Variants in NHEJ1 observed in about 807,000 individuals in gnomAD.
NHEJ1 encodes non-homologous end joining factor 1, also known as non-homologous end-joining factor 1.
A neutral mutation model predicts 39.4 loss-of-function variants in NHEJ1; 22 were observed. That is an observed-to-expected ratio of 0.56 (90% CI 0.40 to 0.80). NHEJ1 has a LOEUF of 0.80. NHEJ1 is among the 30% of genes least tolerant of loss of function. NHEJ1 has a pLI of 0.00. For missense variants in NHEJ1, 329 were observed against 357.1 expected, an observed-to-expected ratio of 0.92 and a Z score of 0.63; for synonymous variants, 154 against 135.6, an observed-to-expected ratio of 1.14 and a Z score of -0.94.
rs373610993 is a variant in NHEJ1, at chr2:219,159,564, C to CATATATATATATGCATATATATGCAT, written c.-1+1155_-1+1156insATGCATATATATGCATATATATATAT. Among the ~76,000 whole-genome samples, 6 of 61,760 alleles carry CATATATATATATGCATATATATGCAT rather than the reference C, an allele frequency of 9.7e-5. 1 individual carries two copies. The East Asian group carries it at 1.9e-3, about 19-fold the overall frequency. The allele number at this position is 61,760 out of a possible 152,430, so 40.5% of individuals were successfully genotyped here. On this transcript the variant is annotated intron_variant, in intron 1 of 7. Coordinates refer to ENST00000356853, the MANE Select transcript of NHEJ1 (RefSeq NM_024782.3). ...ATATATATATATGCATATATATATG[C>CATATATATATATGCATATATATGCAT]ATATATATATGCATATATATATGCA...
intron 4 of NHEJ1, 29 bp downstream of exon 4, chr2:219,147,623 GCCCCA>G (rs778613948): frequency 1.2e-6 from 2 of 1,613,534 alleles, no homozygotes; most frequent in Admixed American, 3.3e-5. Flanking sequence ...TTTTTAACAC[GCCCCA>G]CCCAACTCCT....
At chr2:219,137,189 C>A (rs932111367) in intron 5 of NHEJ1, among the ~76,000 whole-genome samples, 4 of 152,028 alleles carry the variant, frequency 2.6e-5, no homozygotes, top group African/African-American at 7.2e-5. Flanking sequence ...ACATGCACAG[C>A]CATACCTTCC....
At chr2:219,097,431 G>T (rs1432785419) in intron 5 of NHEJ1, among the ~76,000 whole-genome samples, 1 of 152,170 alleles carries the variant, frequency 6.6e-6, no homozygotes, top group Non-Finnish European at 1.5e-5. Context: ...ATGAGAGAAA[G>T]ACAAGAGTCA....
At chr2:219,114,401 T>G (rs548886498) in intron 5 of NHEJ1, among the ~76,000 whole-genome samples, 50 of 152,272 alleles carry the variant, frequency 3.3e-4, no homozygotes, top group Admixed American at 2.6e-3. Context: ...CCTAAGCAGA[T>G]CATGTGCCTG....
rs563818205 is a variant in NHEJ1 at position 219,125,102 on chromosome 2, T to C, written c.588+21578A>G. ...GATGGTTTGGGTTTCTTGGAATCAA[T>C]AGATTCCAAACTTTGGAAATTAAAA... On this transcript the variant is annotated intron_variant, in intron 5 of 7. Transcript: ENST00000356853. Among the ~76,000 whole-genome samples, 17 of 139,996 alleles carry C rather than the reference T, an allele frequency of 1.2e-4. No homozygotes were observed. The South Asian group carries it at 3.9e-3, about 32-fold the overall frequency. The allele number at this position is 139,996 out of a possible 152,430, so 91.8% of individuals were successfully genotyped here.
intron 5 of NHEJ1, among the ~76,000 whole-genome samples, chr2:219,139,242 C>T (rs1363063432): frequency 6.6e-6 from 1 of 152,102 alleles, no homozygotes; most frequent in Non-Finnish European, 1.5e-5. Context: ...TGCATGCCAC[C>T]ATGTCCAGCT....
chr2:219,100,917 G>A (rs1949251600), intron 5 of NHEJ1, among the ~76,000 whole-genome samples: 2 of 152,286 alleles, frequency 1.3e-5, no homozygotes, highest in African/African-American at 4.8e-5. Flanking sequence ...CACTATAGAT[G>A]TATATAAATA....
At chr2:219,136,326 T>C (rs1949627924) in intron 5 of NHEJ1, among the ~76,000 whole-genome samples, 1 of 149,996 alleles carries the variant, frequency 6.7e-6, no homozygotes, top group Non-Finnish European at 1.5e-5. Flanking sequence ...TCTCGCTTTG[T>C]CGCTCAGGCT....
intron 1 of NHEJ1, chr2:219,159,395 C>G (rs1451308976): frequency 6.6e-6 from 1 of 151,334 alleles, no homozygotes; most frequent in African/African-American, 2.4e-5. Flanking sequence ...ATAAAATGAA[C>G]AGAAGTACCA....
intron 3 of NHEJ1, among the ~76,000 whole-genome samples, chr2:219,149,886 G>A (rs926223542): frequency 2.7e-4 from 41 of 152,206 alleles, no homozygotes; most frequent in African/African-American, 9.9e-4. Flanking sequence ...CAAATCAAGT[G>A]GCTGTGTTCC....
chr2:219,154,366 T>C (rs1949828742), intron 3 of NHEJ1, among the ~76,000 whole-genome samples: 2 of 152,226 alleles, frequency 1.3e-5, no homozygotes, highest in South Asian at 2.1e-4. Flanking sequence ...ATATTGGTAG[T>C]TGCTTTGCAA....
At chr2:219,139,448 T>C (rs992526288) in intron 5 of NHEJ1, among the ~76,000 whole-genome samples, 8 of 152,118 alleles carry the variant, frequency 5.3e-5, no homozygotes, top group Non-Finnish European at 1.0e-4. Context: ...AGTAGCCCTA[T>C]GGACAGGCCA....
In NHEJ1 at chr2:219,147,395, T is replaced by A. The variant is rs190996049; in HGVS notation, c.529+262A>T. On this transcript the variant is annotated intron_variant, in intron 4 of 7. Coordinates refer to ENST00000356853, the MANE Select transcript of NHEJ1 (RefSeq NM_024782.3). ...TACTCGGGAGGCTGAGGCAGGAGACTCGCTTGAGCCCACGAGGCGGAAGTT... is the reference window on the plus strand; with the variant it reads ...TACTCGGGAGGCTGAGGCAGGAGACACGCTTGAGCCCACGAGGCGGAAGTT... Among the ~76,000 whole-genome samples the A allele has an allele frequency of 6.3e-3, 960 of 152,274 alleles. 8 individuals are homozygous for A. The highest frequency in any genetic ancestry group is 0.022 in the African/African-American group (919 of 41,548).
At chr2:219,089,775 G>A (rs954748656) in intron 5 of NHEJ1, among the ~76,000 whole-genome samples, 2 of 152,172 alleles carry the variant, frequency 1.3e-5, no homozygotes, top group Non-Finnish European at 2.9e-5. Context: ...TTAAAAACAA[G>A]TTTTAAAATA....
At chr2:219,110,130 T>C (rs13410177) in intron 5 of NHEJ1, among the ~76,000 whole-genome samples, 16,677 of 152,136 alleles carry the variant, frequency 0.11, 946 homozygotes, top group African/African-American at 0.14. Flanking sequence ...CATTGTTCTA[T>C]TGACACTGGA....
intron 3 of NHEJ1, among the ~76,000 whole-genome samples, chr2:219,155,526 A>G (rs1478226968): frequency 6.6e-6 from 1 of 152,194 alleles, no homozygotes; most frequent in Non-Finnish European, 1.5e-5. Context: ...AAATAAACAA[A>G]TGTGAGTATA....
At chr2:219,148,441 C>T (rs1235302483) in intron 3 of NHEJ1, among the ~76,000 whole-genome samples, 2 of 152,136 alleles carry the variant, frequency 1.3e-5, no homozygotes, top group African/African-American at 2.4e-5. Flanking sequence ...CATCTGTAAT[C>T]CCAACTACTC....
chr2:219,126,846 G>A lies in NHEJ1; in HGVS notation c.588+19834C>T, dbSNP rs114444867. ...CAGGAGTTACCCAAGTGAAAAGGTGGAAGGGGGTTTCCAGAGGGAACGGCA... is the reference window on the plus strand; with the variant it reads ...CAGGAGTTACCCAAGTGAAAAGGTGAAAGGGGGTTTCCAGAGGGAACGGCA... On this transcript the variant is annotated intron_variant, in intron 5 of 7. Transcript: ENST00000356853. Among the ~76,000 whole-genome samples, 710 of 152,380 alleles carry A rather than the reference G, an allele frequency of 4.7e-3. 8 individuals are homozygous for A. Among genetic ancestry groups the A allele is most frequent in the African/African-American group, 0.016 (685 of 41,594 alleles).
intron 5 of NHEJ1, among the ~76,000 whole-genome samples, chr2:219,095,642 A>T (rs1304037695): frequency 2.0e-5 from 3 of 152,156 alleles, no homozygotes; most frequent in Non-Finnish European, 4.4e-5. Flanking sequence ...CATAGCAGGG[A>T]TTAGTTTCTT....
Sources: allele counts gnomAD v4.1 joint callset (sites outside exome capture counted in the v4.1 genomes callset), GRCh38; gene constraint gnomAD v4.1.1; transcripts MANE v1.5; gene names NCBI Gene and HGNC (gene_info 2026-07-23, HGNC 2026-07-21).